The following ARHGAP42 variants were observed in gnomAD, a reference collection of about 807,000 sequenced individuals.
The protein encoded by ARHGAP42 is Rho GTPase activating protein 42, also known as rho GTPase-activating protein 42.
ARHGAP42 carries 63 observed loss-of-function variants against 125.0 expected under a neutral mutation model. That is an observed-to-expected ratio of 0.50 (90% CI 0.41 to 0.62). ARHGAP42 has a LOEUF of 0.62. Among genes scored for constraint, ARHGAP42 ranks in the 20% least tolerant of loss-of-function variants. The probability of loss-of-function intolerance (pLI) is 0.00; values close to 1 mark genes in which losing one functional copy is unlikely to be tolerated. For synonymous variants in ARHGAP42, 339 were observed against 351.0 expected (o/e 0.97, Z 0.38); for missense variants, 766 against 1,024.2 (o/e 0.75, Z 3.44).
rs762615910 is a variant in ARHGAP42, at chr11:100,992,732, G to T, written c.*3931G>T. 6 of 1,527,892 alleles carry T rather than the reference G, an allele frequency of 3.9e-6. No homozygotes were observed. The African/African-American group carries it at 5.6e-5, about 14-fold the overall frequency. The allele number at this position is 1,527,892 out of a possible 1,614,324, so 94.6% of individuals were successfully genotyped here. A position where few individuals can be genotyped will look rare whatever the true frequency, so the allele number is the denominator to read the frequency against. Reference sequence around the variant, plus strand: ...TTTAGAGGATCAAATCAATAAATTGGATTTTTTATTTTTTGAGGGCAGCTG... The same window carrying T: ...TTTAGAGGATCAAATCAATAAATTGTATTTTTTATTTTTTGAGGGCAGCTG... On this transcript the variant is annotated 3_prime_UTR_variant, in exon 24 of 24. Transcript: ENST00000298815.
At chr11:100,767,646 T>A (rs890138080) in intron 1 of ARHGAP42, among the ~76,000 whole-genome samples, 1 of 152,002 alleles carries the variant, frequency 6.6e-6, no homozygotes, top group Admixed American at 6.6e-5. Flanking sequence ...AGAAGAACGC[T>A]TGGTGGTGGC....
chr11:100,910,680 C>A lies in ARHGAP42; in HGVS notation c.385-2772C>A, dbSNP rs115366057. Among the ~76,000 whole-genome samples the A allele has an allele frequency of 3.9e-3, 592 of 150,938 alleles. 7 individuals carry two copies. Among genetic ancestry groups the A allele is most frequent in the African/African-American group, 0.014 (566 of 41,324 alleles). ...GACTTGGCTTACATGAGCAGTAAAT[C>A]ATGGCTTTTGGAGGAGATGTGAGTT... On this transcript the variant is annotated intron_variant, in intron 4 of 23. Coordinates refer to ENST00000298815, the MANE Select transcript of ARHGAP42 (RefSeq NM_152432.4).
intron 4 of ARHGAP42, among the ~76,000 whole-genome samples, chr11:100,871,248 A>C (rs1445208849): frequency 7.9e-5 from 12 of 152,156 alleles, no homozygotes; most frequent in Non-Finnish European, 2.9e-5. Context: ...TTCCAGTATA[A>C]AAATTAACTA....
At chr11:100,745,962 G>GT (rs1482620856) in intron 1 of ARHGAP42, among the ~76,000 whole-genome samples, 1 of 152,184 alleles carries the variant, frequency 6.6e-6, no homozygotes, top group African/African-American at 2.4e-5. Context: ...TTGTGTCTAA[G>GT]TAGATGTGGG....
At chr11:100,839,773 A>T (rs751204142) in intron 3 of ARHGAP42, 2 of 152,200 alleles carry the variant, frequency 1.3e-5, no homozygotes, top group Non-Finnish European at 2.9e-5. Flanking sequence ...TCTCAGTCGA[A>T]GAGGACGACC....
intron 1 of ARHGAP42, among the ~76,000 whole-genome samples, chr11:100,755,033 C>T (rs1477424557): frequency 6.6e-6 from 1 of 152,188 alleles, no homozygotes; most frequent in Non-Finnish European, 1.5e-5. Flanking sequence ...AGGCCCAAAT[C>T]TGTTTGTTGA....
At position 100,988,513 on chromosome 11, in the gene ARHGAP42, C is replaced by T. The variant is rs1858746805; in HGVS notation, c.2537-200C>T. 2.0e-5 allele frequency among the ~76,000 whole-genome samples: 3 copies of T among 152,082 alleles called. No individual in the cohort carries two copies. In the South Asian group the frequency reaches 6.2e-4, roughly 32 times the overall value. ...ATTTAAAGCATACAGGGGGATGTCC[C>T]TAGGGTATATGCAAATATTACATCA... On this transcript the variant is annotated intron_variant, in intron 23 of 23. Coordinates refer to ENST00000298815, the MANE Select transcript of ARHGAP42 (RefSeq NM_152432.4).
rs1199652671 is a variant in ARHGAP42 at position 100,976,246 on chromosome 11, C to T, written c.2045C>T (p.Thr682Ile). 2.6e-6 allele frequency: 4 copies of T among 1,551,642 alleles called. No homozygotes were observed. Among genetic ancestry groups the T allele is most frequent in the Admixed American group, 2.0e-5 (1 of 51,000 alleles). ...NGQKSLGLWT[T>I]SPESSSREDA... The stretch of plus-strand genomic sequence containing the variant: ...CAGAAAAGCCTTGGTCTGTGGACAA[C>T]TAGTCCTGAATCAAGTTCCAGAGAA... The change falls in exon 20 of 24, where the codon ACT (threonine) becomes ATT (isoleucine). Residue 682 changes from threonine (T) to isoleucine (I), a missense_variant. Transcript: ENST00000298815.
intron 1 of ARHGAP42, among the ~76,000 whole-genome samples, chr11:100,720,955 G>GA (rs1555110073): frequency 1.4e-5 from 2 of 146,946 alleles, no homozygotes; most frequent in African/African-American, 5.0e-5. Context: ...ATTTTTTTAA[G>GA]TTTTTTTTTT....
chr11:100,702,206 T>C (rs757329974), intron 1 of ARHGAP42, among the ~76,000 whole-genome samples: 4 of 152,046 alleles, frequency 2.6e-5, no homozygotes, highest in Non-Finnish European at 5.9e-5. Context: ...TTGGAGGCCA[T>C]TGTAGGGTTA....
intron 3 of ARHGAP42, among the ~76,000 whole-genome samples, chr11:100,817,468 T>G (rs1051881219): frequency 1.3e-5 from 2 of 152,200 alleles, no homozygotes; most frequent in Non-Finnish European, 2.9e-5. Context: ...TTTATTCTTT[T>G]TTGTGCCCAA....
chr11:100,893,964 C>T (rs985379194), intron 4 of ARHGAP42, among the ~76,000 whole-genome samples: 4 of 152,070 alleles, frequency 2.6e-5, no homozygotes, highest in African/African-American at 9.7e-5. Flanking sequence ...AATAATGAAT[C>T]ACCCCATGCC....
intron 3 of ARHGAP42, among the ~76,000 whole-genome samples, chr11:100,815,295 C>T (rs556052504): frequency 2.6e-5 from 4 of 152,196 alleles, no homozygotes; most frequent in Non-Finnish European, 4.4e-5. Context: ...TCATTATGTG[C>T]GTGTATCATA....
At chr11:100,825,584 G>T (rs1036759464) in intron 3 of ARHGAP42, among the ~76,000 whole-genome samples, 1 of 152,144 alleles carries the variant, frequency 6.6e-6, no homozygotes, top group African/African-American at 2.4e-5. Context: ...TGTTGTCTTG[G>T]AGTAAAGAAA....
At chr11:100,731,741 A>ATC (rs796673676) in intron 1 of ARHGAP42, among the ~76,000 whole-genome samples, 4 of 152,274 alleles carry the variant, frequency 2.6e-5, no homozygotes, top group African/African-American at 9.6e-5. Context: ...TAGTGTGACC[A>ATC]TCTGCCCACC....
intron 3 of ARHGAP42, among the ~76,000 whole-genome samples, chr11:100,837,180 CT>C (rs1864808869): frequency 6.6e-6 from 1 of 151,996 alleles, no homozygotes; most frequent in South Asian, 2.1e-4. Flanking sequence ...AACCACCATG[CT>C]TTTTTTCAAC....
chr11:100,809,655 A>G (rs571529769), intron 3 of ARHGAP42, among the ~76,000 whole-genome samples: 2 of 152,344 alleles, frequency 1.3e-5, no homozygotes, highest in South Asian at 2.1e-4. Flanking sequence ...TCTGTTCAGT[A>G]ATATGAAACC....
intron 1 of ARHGAP42, among the ~76,000 whole-genome samples, chr11:100,695,646 C>T (rs980745357): frequency 1.3e-5 from 2 of 152,136 alleles, no homozygotes; most frequent in Admixed American, 6.5e-5. Flanking sequence ...AATCAGAATA[C>T]TCCATTCTTT....
chr11:100,765,392 T>C (rs182254336), intron 1 of ARHGAP42, among the ~76,000 whole-genome samples: 4 of 152,214 alleles, frequency 2.6e-5, no homozygotes, highest in East Asian at 3.9e-4. Context: ...ATTCTGGAGC[T>C]GGCGCCCTGG....
Sources: gnomAD v4.1 joint callset for allele counts (sites outside exome capture counted in the v4.1 genomes callset) on GRCh38, gnomAD v4.1.1 for gene constraint, MANE v1.5 for transcripts, NCBI Gene and HGNC (gene_info 2026-07-23, HGNC 2026-07-21) for gene names.